Variants in FGD5 observed in about 807,000 individuals in gnomAD.
The protein encoded by FGD5 is FYVE, RhoGEF and PH domain containing 5.
In FGD5, 28 loss-of-function variants were observed where a neutral mutation model predicts 133.4. The observed-to-expected ratio is 0.21, with a 90% confidence interval of 0.16 to 0.29. The LOEUF (loss-of-function observed/expected upper bound fraction) is 0.29, where lower values mean the gene tolerates loss of function less well. Ranked by LOEUF, FGD5 falls within the 10% of genes least tolerant of loss-of-function variation. FGD5 has a pLI of 1.00. For synonymous variants in FGD5, 810 were observed against 776.5 expected (o/e 1.04, Z -0.72); for missense variants, 1,858 against 1,895.2 (o/e 0.98, Z 0.36).
chr3:14,827,147 T>C (rs2036614380), intron 1 of FGD5, among the ~76,000 whole-genome samples: 1 of 152,188 alleles, frequency 6.6e-6, no homozygotes, highest in African/African-American at 2.4e-5. Flanking sequence ...TGACATGACA[T>C]GAACTCTCTT....
In FGD5 at chr3:14,819,692, C is replaced by G. The variant is rs375245068; in HGVS notation, c.621C>G (p.Pro207=). 1 of 1,538,792 alleles carries G rather than the reference C, an allele frequency of 6.5e-7. No homozygotes were observed. Among genetic ancestry groups the G allele is most frequent in the Non-Finnish European group, 8.8e-7 (1 of 1,140,276 alleles). Residue 207 remains proline (P), a synonymous_variant, in exon 1 of 20, where the codon CCC becomes CCG. Coordinates refer to ENST00000285046, the MANE Select transcript of FGD5 (RefSeq NM_152536.4). The surrounding 1 kb of genome is among the most constrained non-coding windows in gnomAD (Gnocchi z 4.1). ...TCCATGGAGAGGACCAGGAGCCCCC[C>G]GACACCCCCGGGGAGGCAGAGGAGG... ...PHIHGEDQEP[P]DTPGEAEEDD...
chr3:14,890,991 C>A (rs1367372907), intron 4 of FGD5, among the ~76,000 whole-genome samples: 1 of 152,176 alleles, frequency 6.6e-6, no homozygotes, highest in Non-Finnish European at 1.5e-5. Context: ...TCGTCCAATA[C>A]CCTATCTAGC....
rs540914841 is a variant in FGD5 at position 14,863,959 on chromosome 3, A to C, written c.2526-169A>C. On this transcript the variant is annotated intron_variant, in intron 1 of 19. Coordinates refer to ENST00000285046, the MANE Select transcript of FGD5 (RefSeq NM_152536.4). Reference sequence around the variant, plus strand: ...TGGGCAGCAAGAGCCTGGTGTGTTCAGGGCTCCAAATGGAAGCCAGTGTGG... The same window carrying C: ...TGGGCAGCAAGAGCCTGGTGTGTTCCGGGCTCCAAATGGAAGCCAGTGTGG... Among the ~76,000 whole-genome samples, 16 of 152,364 alleles carry C rather than the reference A, an allele frequency of 1.1e-4. No individual in the cohort carries two copies. In the South Asian group the frequency reaches 2.9e-3, roughly 28 times the overall value.
At position 14,917,214 on chromosome 3, in the gene FGD5, G is replaced by A. The variant is rs2038573965; in HGVS notation, c.3406-35G>A. The A allele has an allele frequency of 5.0e-6, 8 of 1,593,568 alleles. No individual in the cohort carries two copies. The South Asian group carries it at 7.9e-5, about 16-fold the overall frequency. ...CAGAAGCCTGGCGCAGCCTTCTGGG[G>A]CCAGGGTCCTCTCATAGGGTTTCCC... On this transcript the variant is annotated intron_variant, in intron 11 of 19. Coordinates refer to ENST00000285046, the MANE Select transcript of FGD5 (RefSeq NM_152536.4). The surrounding 1 kb of genome is among the most constrained non-coding windows in gnomAD (Gnocchi z 4.1).
upstream of FGD5, among the ~76,000 whole-genome samples, chr3:14,814,057 G>A (rs960520955): frequency 3.9e-5 from 6 of 152,086 alleles, no homozygotes; most frequent in Admixed American, 6.5e-5. Flanking sequence ...AGTCATCCTC[G>A]GGCATAGCAA....
chr3:14,883,602 G>T (rs1485139271), intron 4 of FGD5, among the ~76,000 whole-genome samples: 1 of 152,114 alleles, frequency 6.6e-6, no homozygotes, highest in African/African-American at 2.4e-5. Flanking sequence ...CATCTGAATT[G>T]ACCATTCATT....
At chr3:14,867,611 G>T (rs2037521102) in intron 2 of FGD5, among the ~76,000 whole-genome samples, 1 of 151,858 alleles carries the variant, frequency 6.6e-6, no homozygotes, top group African/African-American at 2.4e-5. Flanking sequence ...TTGGTGCCCA[G>T]AGCTCCCCAA....
intron 1 of FGD5, among the ~76,000 whole-genome samples, chr3:14,825,340 T>TA (rs2036580309): frequency 1.3e-5 from 2 of 152,172 alleles, no homozygotes; most frequent in African/African-American, 4.8e-5. Flanking sequence ...TGCAGTGGCT[T>TA]ACGCTTGTAA....
chr3:14,866,035 C>T (rs978866451), intron 2 of FGD5, among the ~76,000 whole-genome samples: 4 of 152,128 alleles, frequency 2.6e-5, no homozygotes, highest in Non-Finnish European at 5.9e-5. Flanking sequence ...GCCGCGAGAA[C>T]GTCGGAGGGC....
intron 2 of FGD5, among the ~76,000 whole-genome samples, chr3:14,878,131 A>G (rs779667367): frequency 6.6e-6 from 1 of 152,198 alleles, no homozygotes; most frequent in East Asian, 1.9e-4. Context: ...GAGCATTGCA[A>G]GAAGAGGGAA....
intron 11 of FGD5, among the ~76,000 whole-genome samples, chr3:14,914,111 ACT>A (rs2038503603): frequency 6.6e-6 from 1 of 152,036 alleles, no homozygotes; most frequent in African/African-American, 2.4e-5. Context: ...AGTGTTGATA[ACT>A]CTCTAATGGA....
At chr3:14,835,298 G>T (rs1375608022) in intron 1 of FGD5, among the ~76,000 whole-genome samples, 2 of 152,180 alleles carry the variant, frequency 1.3e-5, no homozygotes, top group African/African-American at 4.8e-5. Context: ...AGGAGTTTGA[G>T]ACCAGCTGGG....
intron 9 of FGD5, among the ~76,000 whole-genome samples, chr3:14,906,276 A>G (rs528307513): frequency 1.3e-5 from 2 of 152,330 alleles, no homozygotes; most frequent in East Asian, 3.9e-4. Flanking sequence ...GGGCTCTCAC[A>G]GCATTCCTGT....
chr3:14,820,796 G>A lies in FGD5; in HGVS notation c.1725G>A (p.Arg575=), dbSNP rs757020255. ...AGGGGTCAGGGTTGGATGACCACAG[G>A]ATAAAGAGGAAAGAGGACAATCTCT... ...EPEGSGLDDH[R]IKRKEDNLSL... is the part of the protein sequence containing the mutation. Residue 575 remains arginine (R), a synonymous_variant, in exon 1 of 20, where the codon AGG becomes AGA. Transcript: ENST00000285046. The A allele has an allele frequency of 3.2e-5, 52 of 1,613,768 alleles. No individual in the cohort carries two copies. Among genetic ancestry groups the A allele is most frequent in the Middle Eastern group, 1.6e-4 (1 of 6,082 alleles).
intron 1 of FGD5, among the ~76,000 whole-genome samples, chr3:14,856,212 A>G (rs1220265177): frequency 1.3e-5 from 2 of 151,822 alleles, no homozygotes; most frequent in African/African-American, 4.8e-5. Context: ...TGGGTTCTCT[A>G]TTTTGTTCCC....
chr3:14,855,898 ATTTTTAC>A (rs1035087914), intron 1 of FGD5, among the ~76,000 whole-genome samples: 6 of 151,812 alleles, frequency 4.0e-5, no homozygotes, highest in Non-Finnish European at 8.8e-5. Flanking sequence ...CCATTTGTTT[ATTTTTAC>A]TTTTGTTGCC....
upstream of FGD5, among the ~76,000 whole-genome samples, chr3:14,816,147 G>A (rs1465803152): frequency 1.3e-5 from 2 of 152,180 alleles, no homozygotes; most frequent in Non-Finnish European, 2.9e-5. Context: ...TAGCTTGATT[G>A]GATGAAGGAT....
At chr3:14,857,685 G>A (rs999935685) in intron 1 of FGD5, among the ~76,000 whole-genome samples, 8 of 152,126 alleles carry the variant, frequency 5.3e-5, no homozygotes, top group African/African-American at 1.4e-4. Context: ...CTTAGTGTCC[G>A]CTAGAGAGCA....
chr3:14,837,574 C>T (rs1327444109), intron 1 of FGD5, among the ~76,000 whole-genome samples: 2 of 152,126 alleles, frequency 1.3e-5, no homozygotes, highest in Non-Finnish European at 2.9e-5. Context: ...TGAGGACTAC[C>T]GGGTTTTTGT....
Sources: allele counts gnomAD v4.1 joint callset (sites outside exome capture counted in the v4.1 genomes callset), GRCh38; gene constraint gnomAD v4.1.1; non-coding constraint Gnocchi (gnomAD v3.1); transcripts MANE v1.5; gene names NCBI Gene and HGNC (gene_info 2026-07-23, HGNC 2026-07-21).